Variants in GRID2 observed in about 807,000 individuals in gnomAD.
GRID2 encodes the protein glutamate ionotropic receptor delta type subunit 2.
In GRID2, 33 loss-of-function variants were observed where a neutral mutation model predicts 114.8. The observed-to-expected ratio is 0.29, with a 90% CI of 0.22 to 0.38. GRID2 has a LOEUF of 0.38. Among genes scored for constraint, GRID2 ranks in the 10% least tolerant of loss-of-function variants. GRID2 has a pLI of 1.00. For synonymous variants in GRID2, 505 were observed against 449.9 expected (o/e 1.12, Z -1.55); for missense variants, 1,184 against 1,257.7 (o/e 0.94, Z 0.89).
At chr4:92,365,664 A>G (rs1000714897) in intron 1 of GRID2, among the ~76,000 whole-genome samples, 1 of 152,124 alleles carries the variant, frequency 6.6e-6, no homozygotes, top group Non-Finnish European at 1.5e-5. Flanking sequence ...GTCTTACCAC[A>G]GAAACTGAGT....
At chr4:92,592,202 A>G (rs1728738407) in intron 2 of GRID2, among the ~76,000 whole-genome samples, 1 of 152,116 alleles carries the variant, frequency 6.6e-6, no homozygotes. Flanking sequence ...TGTAAGGACC[A>G]GAATGTGAGC....
intron 3 of GRID2, among the ~76,000 whole-genome samples, chr4:93,093,734 G>T (rs753736204): frequency 3.5e-4 from 53 of 152,024 alleles, no homozygotes; most frequent in Middle Eastern, 6.8e-3. Context: ...AGAAGTCTGA[G>T]TCCCTCCCTT....
chr4:92,777,064 G>GTGTGGAAGTAAGTGCTTT, intron 2 of GRID2, among the ~76,000 whole-genome samples: 1 of 151,392 alleles, frequency 6.6e-6, no homozygotes, highest in Non-Finnish European at 1.5e-5. Context: ...TAAGTCCTCC[G>GTGTGGAAGTAAGTGCTTT]CTCATGGAAG....
chr4:93,104,203 A>G (rs1397580459), intron 3 of GRID2, among the ~76,000 whole-genome samples: 1 of 152,196 alleles, frequency 6.6e-6, no homozygotes, highest in Admixed American at 6.6e-5. Context: ...GGAAAAATAC[A>G]GACTTATGGA....
intron 8 of GRID2, among the ~76,000 whole-genome samples, chr4:93,257,228 A>G (rs889158270): frequency 6.6e-6 from 1 of 151,844 alleles, no homozygotes. Context: ...GCCTGCAAAT[A>G]TAAGAGATAT....
chr4:92,818,913 C>T (rs1262613460), intron 2 of GRID2, among the ~76,000 whole-genome samples: 1 of 151,850 alleles, frequency 6.6e-6, no homozygotes, highest in Non-Finnish European at 1.5e-5. Flanking sequence ...CTTGATATAC[C>T]CTTCACAATA....
intron 14 of GRID2, among the ~76,000 whole-genome samples, chr4:93,707,675 G>A (rs10022274): frequency 6.6e-6 from 1 of 150,700 alleles, no homozygotes; most frequent in Non-Finnish European, 1.5e-5. Context: ...TGTATTTTTT[G>A]TTCCAATTTC....
chr4:93,016,062 A>T (rs200978784), intron 2 of GRID2, among the ~76,000 whole-genome samples: 2 of 148,256 alleles, frequency 1.3e-5, no homozygotes, highest in African/African-American at 5.0e-5. Flanking sequence ...TGTGTGTGTG[A>T]GTGTGTGTGT....
chr4:92,769,064 C>T (rs1560581451), intron 2 of GRID2, among the ~76,000 whole-genome samples: 1 of 152,156 alleles, frequency 6.6e-6, no homozygotes, highest in Non-Finnish European at 1.5e-5. Context: ...GCCCCTTCTG[C>T]CTATGAGCCT....
At position 93,210,119 on chromosome 4, in the gene GRID2, G is replaced by A. The variant is rs111386842; in HGVS notation, c.789+2662G>A. Reference sequence around the variant, plus strand: ...TTAGTTTAATTCAATTTTGTTTGTCGATTTTTGCTTTTGTTGCAATTGCTT... The same window carrying A: ...TTAGTTTAATTCAATTTTGTTTGTCAATTTTTGCTTTTGTTGCAATTGCTT... On this transcript the variant is annotated intron_variant, in intron 5 of 15. Coordinates refer to ENST00000282020, the MANE Select transcript of GRID2 (RefSeq NM_001510.4). 1.9e-3 allele frequency among the ~76,000 whole-genome samples: 287 copies of A among 151,830 alleles called. 2 individuals are homozygous for A. Among genetic ancestry groups the A allele is most frequent in the African/African-American group, 6.5e-3 (268 of 41,478 alleles).
intron 2 of GRID2, among the ~76,000 whole-genome samples, chr4:93,024,617 T>G (rs1287118088): frequency 6.6e-6 from 1 of 151,788 alleles, no homozygotes; most frequent in African/African-American, 2.4e-5. Context: ...AAAGGTTACA[T>G]TAGTTCTACA....
At chr4:93,746,819 A>T (rs887807154) in intron 14 of GRID2, among the ~76,000 whole-genome samples, 1 of 152,204 alleles carries the variant, frequency 6.6e-6, no homozygotes, top group Middle Eastern at 3.4e-3. Context: ...TTTTCTGGTG[A>T]TAATGTCTAT....
intron 2 of GRID2, among the ~76,000 whole-genome samples, chr4:92,709,525 G>A (rs947518084): frequency 1.4e-4 from 20 of 140,080 alleles, no homozygotes; most frequent in African/African-American, 5.1e-4. Flanking sequence ...GGCAAGTAAT[G>A]TCCTTACTGA....
chr4:93,494,234 A>T (rs1007993615), intron 12 of GRID2, among the ~76,000 whole-genome samples: 1 of 151,844 alleles, frequency 6.6e-6, no homozygotes, highest in Non-Finnish European at 1.5e-5. Flanking sequence ...AGTGCATGTC[A>T]ATGTACTATT....
At chr4:92,973,788 G>A (rs1560759700) in intron 2 of GRID2, among the ~76,000 whole-genome samples, 1 of 152,008 alleles carries the variant, frequency 6.6e-6, no homozygotes, top group South Asian at 2.1e-4. Flanking sequence ...TAAATGACTG[G>A]GAATTGTAAT....
In GRID2 at chr4:93,525,748, C is replaced by T. The variant is rs1578189675; in HGVS notation, c.2193+10337C>T. On this transcript the variant is annotated intron_variant, in intron 13 of 15. Coordinates refer to ENST00000282020, the MANE Select transcript of GRID2 (RefSeq NM_001510.4). ...AGGACTGTAGTGGGAGTCCCTAACA[C>T]AGAGACCCTAACATCAAGCCTATGT... 2.0e-5 allele frequency among the ~76,000 whole-genome samples: 3 copies of T among 152,236 alleles called. No individual in the cohort carries two copies. In the East Asian group the frequency reaches 5.8e-4, roughly 29 times the overall value.
intron 1 of GRID2, among the ~76,000 whole-genome samples, chr4:92,468,626 A>G (rs1438792661): frequency 6.6e-6 from 1 of 152,096 alleles, no homozygotes; most frequent in African/African-American, 2.4e-5. Flanking sequence ...GTAAACAAAA[A>G]AACAAACACC....
intron 15 of GRID2, among the ~76,000 whole-genome samples, chr4:93,770,022 G>C (rs1733985543): frequency 6.6e-6 from 1 of 152,088 alleles, no homozygotes; most frequent in African/African-American, 2.4e-5. Context: ...CTCCTTTACT[G>C]TGGAGTCAGC....
chr4:92,668,488 G>T (rs530584764), intron 2 of GRID2, among the ~76,000 whole-genome samples: 1 of 151,666 alleles, frequency 6.6e-6, no homozygotes, highest in East Asian at 1.9e-4. Context: ...ATATATTGAG[G>T]CATCTATTAA....
Sources: allele counts gnomAD v4.1 joint callset (sites outside exome capture counted in the v4.1 genomes callset), GRCh38; gene constraint gnomAD v4.1.1; transcripts MANE v1.5; gene names NCBI Gene and HGNC (gene_info 2026-07-23, HGNC 2026-07-21).